TLCD4: variants seen among roughly 807,000 people sequenced by gnomAD.
TLCD4 encodes the protein TLC domain-containing protein 4.
A neutral mutation model predicts 24.2 loss-of-function variants in TLCD4; 7 were observed. The ratio of observed to expected loss-of-function variants is 0.29; its 90% CI spans 0.16 to 0.54. The LOEUF (loss-of-function observed/expected upper bound fraction) is 0.54, where lower values mean the gene tolerates loss of function less well. Among genes scored for constraint, TLCD4 ranks in the 20% least tolerant of loss-of-function variants. The pLI is 0.95. For synonymous variants in TLCD4, 103 were observed against 106.4 expected, an observed-to-expected ratio of 0.97 and a Z score of 0.20; for missense variants, 259 against 313.9, an observed-to-expected ratio of 0.82 and a Z score of 1.32.
chr1:95,167,787 T>A (rs1678069965), intron 5 of TLCD4, among the ~76,000 whole-genome samples: 1 of 152,186 alleles, frequency 6.6e-6, no homozygotes, highest in Non-Finnish European at 1.5e-5. Context: ...CCATCACAGC[T>A]GTAAATCATG....
chr1:95,160,521 T>C (rs1677759236), intron 5 of TLCD4, among the ~76,000 whole-genome samples: 1 of 152,234 alleles, frequency 6.6e-6, no homozygotes, highest in African/African-American at 2.4e-5. Flanking sequence ...CTGATTGCCC[T>C]GGCCAGAACT....
chr1:95,113,980 C>T (rs928923178), upstream of TLCD4, among the ~76,000 whole-genome samples: 2 of 152,060 alleles, frequency 1.3e-5, no homozygotes, highest in Admixed American at 6.6e-5. Context: ...TCTCACCCAC[C>T]CAGAAATAAC....
intron 3 of TLCD4, among the ~76,000 whole-genome samples, chr1:95,149,421 A>G (rs542911292): frequency 6.6e-6 from 1 of 152,306 alleles, no homozygotes; most frequent in Admixed American, 6.5e-5. Context: ...GCATGTTTGA[A>G]GAAGCACTGC....
chr1:95,126,129 T>TAA (rs35251348), intron 1 of TLCD4, among the ~76,000 whole-genome samples: 8 of 129,536 alleles, frequency 6.2e-5, no homozygotes, highest in Admixed American at 1.6e-4. Flanking sequence ...CCATCACTAT[T>TAA]AAAAAAAAAA....
intron 1 of TLCD4, among the ~76,000 whole-genome samples, chr1:95,119,162 C>T (rs934243103): frequency 6.6e-6 from 1 of 152,186 alleles, no homozygotes. Context: ...GTCTTTGCTA[C>T]TAATGCTTTA....
chr1:95,124,573 G>A (rs913495080), intron 1 of TLCD4, among the ~76,000 whole-genome samples: 1 of 152,166 alleles, frequency 6.6e-6, no homozygotes, highest in Non-Finnish European at 1.5e-5. Flanking sequence ...GCACTGCTCA[G>A]TGAAAGGTCA....
chr1:95,116,143 G>A (rs974172054), upstream of TLCD4, among the ~76,000 whole-genome samples: 3 of 152,140 alleles, frequency 2.0e-5, no homozygotes, highest in Admixed American at 6.5e-5. Flanking sequence ...GCAGGTTTCT[G>A]TCCCTCCCTG....
chr1:95,107,357 A>G, the TLCD4 span, among the ~76,000 whole-genome samples: 1 of 152,214 alleles, frequency 6.6e-6, no homozygotes, highest in Non-Finnish European at 1.5e-5. Flanking sequence ...CAGGAGGCGA[A>G]GCTTGCAGTG....
intron 1 of TLCD4, among the ~76,000 whole-genome samples, chr1:95,137,854 T>C (rs937565697): frequency 7.9e-5 from 12 of 151,990 alleles, no homozygotes; most frequent in African/African-American, 2.9e-4. Context: ...CTCCCATCTC[T>C]GCCTCCTGAG....
chr1:95,109,912 CATATAT>C, the TLCD4 span, among the ~76,000 whole-genome samples: 15,667 of 79,830 alleles, frequency 0.2, 1,808 homozygotes, highest in East Asian at 0.25. Flanking sequence ...TGTGTGTATG[CATATAT>C]ATATATATAT....
chr1:95,150,150 G>T (rs1677453096), intron 3 of TLCD4, 58 bp from the exon 4 acceptor site: 5 of 1,550,466 alleles, frequency 3.2e-6, no homozygotes, highest in Non-Finnish European at 4.3e-6. Flanking sequence ...ATAGAAAAAA[G>T]AAGTAGCGGT....
At position 95,130,841 on chromosome 1, in the gene TLCD4, A is replaced by C. The variant is rs536728506; in HGVS notation, c.-11-13050A>C. ...TCATGTTAAAAGGAGCTTACAGTAG[A>C]TAAATATACTCCATTTATAATGGTA... On this transcript the variant is annotated intron_variant, in intron 1 of 6. Coordinates refer to ENST00000370203, the MANE Select transcript of TLCD4 (RefSeq NM_152487.3). Among the ~76,000 whole-genome samples, 18 of 152,346 alleles carry C rather than the reference A, an allele frequency of 1.2e-4. 1 individual carries two copies. The South Asian group carries it at 3.5e-3, about 30-fold the overall frequency.
intron 5 of TLCD4, among the ~76,000 whole-genome samples, chr1:95,170,607 G>A (rs1678176875): frequency 6.6e-6 from 1 of 152,094 alleles, no homozygotes; most frequent in Non-Finnish European, 1.5e-5. Context: ...GGGATTACAG[G>A]TGTGAGCCAC....
At chr1:95,143,586 T>A (rs984162884) in intron 1 of TLCD4, among the ~76,000 whole-genome samples, 2 of 152,116 alleles carry the variant, frequency 1.3e-5, no homozygotes, top group Non-Finnish European at 2.9e-5. Flanking sequence ...TAGTTTTTAC[T>A]TATAGTACTT....
intron 5 of TLCD4, among the ~76,000 whole-genome samples, chr1:95,173,314 C>CCT (rs568801441): frequency 2.8e-5 from 4 of 143,530 alleles, no homozygotes; most frequent in Non-Finnish European, 6.2e-5. Flanking sequence ...TGTGATCATT[C>CCT]TTTTTTTTTT....
In TLCD4 at chr1:95,183,407, T is replaced by C. The variant is rs191290688; in HGVS notation, c.474-8143T>C. Among the ~76,000 whole-genome samples the C allele has an allele frequency of 3.6e-5, 5 of 137,802 alleles. No homozygotes were observed. The East Asian group carries it at 7.9e-4, about 22-fold the overall frequency. 90.4% of individuals were successfully genotyped at this position (137,802 alleles called of 152,430 possible). A position where few individuals can be genotyped will look rare whatever the true frequency, so the allele number is the denominator to read the frequency against. On this transcript the variant is annotated intron_variant, in intron 6 of 6. Transcript: ENST00000370203. ...AGGTGACGAATTTAGTGCGGAGATA[T>C]TGGATAAGAGGACAAACAGAGCATC...
chr1:95,150,393 A>T, intron 4 of TLCD4, 127 bp downstream of exon 4: 1 of 1,149,658 alleles, frequency 8.7e-7, no homozygotes. Context: ...GAGGAAAAAA[A>T]TACCTCCCAT....
At chr1:95,101,172 G>C in the TLCD4 span, among the ~76,000 whole-genome samples, 1 of 152,134 alleles carries the variant, frequency 6.6e-6, no homozygotes, top group Non-Finnish European at 1.5e-5. Context: ...CTCCCAAAGT[G>C]CTAGGATTAT....
the TLCD4 span, among the ~76,000 whole-genome samples, chr1:95,093,642 T>C: frequency 6.6e-6 from 1 of 152,360 alleles, no homozygotes; most frequent in South Asian, 2.1e-4. Flanking sequence ...TTCACCTTCA[T>C]GTAATGCAGT....
Sources: gnomAD v4.1 joint callset for allele counts (sites outside exome capture counted in the v4.1 genomes callset) on GRCh38, gnomAD v4.1.1 for gene constraint, MANE v1.5 for transcripts, NCBI Gene and HGNC (gene_info 2026-07-23, HGNC 2026-07-21) for gene names.